The following TUT4 variants were observed in gnomAD, a reference collection of about 807,000 sequenced individuals.
TUT4 encodes terminal uridylyl transferase 4.
In TUT4, 36 loss-of-function variants were observed where a neutral mutation model predicts 192.2. That is an observed-to-expected ratio of 0.19 (90% CI 0.14 to 0.25). The LOEUF is 0.25. Among genes scored for constraint, TUT4 ranks in the 10% least tolerant of loss-of-function variants. The pLI, the probability that TUT4 is intolerant of heterozygous loss-of-function variation, is 1.00. For synonymous variants in TUT4, 618 were observed against 666.0 expected, an observed-to-expected ratio of 0.93 and a Z score of 1.11; for missense variants, 1,493 against 1,957.2, an observed-to-expected ratio of 0.76 and a Z score of 4.47.
intron 13 of TUT4, 118 bp from the exon 14 acceptor site, chr1:52,472,220 G>A: frequency 2.0e-6 from 2 of 1,019,588 alleles, no homozygotes; most frequent in Non-Finnish European, 2.7e-6. Flanking sequence ...GTGCTTTCAG[G>A]AGGTAATTAA....
intron 1 of TUT4, among the ~76,000 whole-genome samples, chr1:52,537,025 T>C (rs1685098471): frequency 1.3e-5 from 2 of 151,856 alleles, no homozygotes; most frequent in South Asian, 4.2e-4. Flanking sequence ...CCGGGCATGG[T>C]GGCGTGCGCC....
intron 19 of TUT4, among the ~76,000 whole-genome samples, chr1:52,459,966 T>C (rs375191529): frequency 1.3e-5 from 2 of 152,158 alleles, no homozygotes; most frequent in Non-Finnish European, 2.9e-5. Context: ...CCTGAAAGAA[T>C]CTTCAGAGAC....
intron 5 of TUT4, 63 bp downstream of exon 5, chr1:52,496,943 G>T: frequency 1.3e-6 from 2 of 1,490,686 alleles, no homozygotes; most frequent in Non-Finnish European, 1.8e-6. Flanking sequence ...ATGTACTCTA[G>T]TTCAAGAGGA....
intron 20 of TUT4, among the ~76,000 whole-genome samples, chr1:52,455,999 G>A (rs1384076645): frequency 6.6e-6 from 1 of 152,204 alleles, no homozygotes; most frequent in African/African-American, 2.4e-5. Flanking sequence ...ACAGATGTCT[G>A]TAACAGCTTT....
intron 28 of TUT4, among the ~76,000 whole-genome samples, chr1:52,428,451 A>G (rs563910499): frequency 3.8e-4 from 58 of 151,988 alleles, no homozygotes; most frequent in Non-Finnish European, 7.5e-4. Context: ...ACATAGTGAA[A>G]CCCCGTCTCT....
chr1:52,550,056 C>A (rs1046828591), intron 1 of TUT4, among the ~76,000 whole-genome samples: 1 of 152,010 alleles, frequency 6.6e-6, no homozygotes, highest in African/African-American at 2.4e-5. Context: ...AAAGTCGGAA[C>A]CTGCTTTTTC....
chr1:52,439,276 T>C (rs1654800357), intron 24 of TUT4, among the ~76,000 whole-genome samples: 1 of 152,048 alleles, frequency 6.6e-6, no homozygotes, highest in Admixed American at 6.6e-5. Flanking sequence ...AAAGCAATTA[T>C]CTGGTTTATG....
intron 20 of TUT4, among the ~76,000 whole-genome samples, chr1:52,451,751 G>C (rs936719237): frequency 6.6e-6 from 1 of 151,606 alleles, no homozygotes; most frequent in Non-Finnish European, 1.5e-5. Context: ...GCTGAGGAAG[G>C]AGAATTGCTT....
intron 6 of TUT4, among the ~76,000 whole-genome samples, chr1:52,494,075 T>C (rs1185494894): frequency 6.6e-6 from 1 of 152,048 alleles, no homozygotes; most frequent in East Asian, 1.9e-4. Context: ...AGCACGGGAA[T>C]TATAAGCATG....
At chr1:52,528,846 C>T (rs916463965) in intron 1 of TUT4, among the ~76,000 whole-genome samples, 1 of 152,096 alleles carries the variant, frequency 6.6e-6, no homozygotes, top group East Asian at 1.9e-4. Flanking sequence ...TCCCAAGCAA[C>T]TAAGAACACA....
chr1:52,486,537 T>C (rs1207183854), intron 9 of TUT4, among the ~76,000 whole-genome samples: 1 of 152,058 alleles, frequency 6.6e-6, no homozygotes, highest in Admixed American at 6.6e-5. Flanking sequence ...ATGTACAATA[T>C]GGCTTAAAAC....
intron 9 of TUT4, among the ~76,000 whole-genome samples, 193 bp downstream of exon 9, chr1:52,488,716 G>A (rs1670420204): frequency 6.6e-6 from 1 of 152,098 alleles, no homozygotes; most frequent in Non-Finnish European, 1.5e-5. Flanking sequence ...CCATAAGTGT[G>A]TCTACAAAAA....
rs376055793 is a variant in TUT4, at chr1:52,534,732, G to A, written c.-93-8359C>T. 1.3e-4 allele frequency among the ~76,000 whole-genome samples: 19 copies of A among 151,698 alleles called. No homozygotes were observed. In the East Asian group the frequency reaches 1.6e-3, roughly 12 times the overall value. On this transcript the variant is annotated intron_variant, in intron 1 of 29. Coordinates refer to ENST00000257177, the MANE Select transcript of TUT4 (RefSeq NM_001009881.3). ...ACAAAAATCAGCCAAATGTGGTGGC[G>A]CATGCCTGTGGTCCCAGCTACTTGG... is the stretch of plus-strand genomic sequence containing the variant.
chr1:52,550,705 G>A (rs1283735437), intron 1 of TUT4, among the ~76,000 whole-genome samples: 1 of 151,978 alleles, frequency 6.6e-6, no homozygotes. Context: ...ATGCTGCTCA[G>A]ACTGATATCA....
intron 2 of TUT4, 56 bp from the exon 3 acceptor site, chr1:52,516,110 T>C: frequency 1.4e-6 from 2 of 1,380,428 alleles, no homozygotes; most frequent in Non-Finnish European, 2.0e-6. Context: ...TTTTAAATTT[T>C]TTAATGGAAA....
chr1:52,536,373 AAC>A (rs1188533029), intron 1 of TUT4, among the ~76,000 whole-genome samples: 4 of 152,074 alleles, frequency 2.6e-5, no homozygotes, highest in Non-Finnish European at 4.4e-5. Flanking sequence ...CTAAGAAAGT[AAC>A]ACACACACAC....
At chr1:52,545,611 C>A (rs1277753237) in intron 1 of TUT4, among the ~76,000 whole-genome samples, 3 of 151,916 alleles carry the variant, frequency 2.0e-5, no homozygotes, top group Admixed American at 1.3e-4. Context: ...TAGGGAAATG[C>A]AAATCAAAAC....
rs116319351 is a variant in TUT4 at position 52,501,136 on chromosome 1, C to T, written c.1000-3953G>A. On this transcript the variant is annotated intron_variant, in intron 4 of 29. Transcript: ENST00000257177. Reference sequence around the variant, plus strand: ...CTGGACGAAATTTAGAACTTTTGTTCATCAAAAGACACTACTGACAGAGTA... The same window carrying T: ...CTGGACGAAATTTAGAACTTTTGTTTATCAAAAGACACTACTGACAGAGTA... 3.9e-3 allele frequency among the ~76,000 whole-genome samples: 591 copies of T among 152,146 alleles called. 3 individuals carry two copies. The highest frequency in any genetic ancestry group is 0.014 in the African/African-American group (563 of 41,500).
intron 9 of TUT4, among the ~76,000 whole-genome samples, chr1:52,482,946 T>TC (rs1668868353): frequency 6.6e-6 from 1 of 152,222 alleles, no homozygotes; most frequent in Non-Finnish European, 1.5e-5. Context: ...AAATGAGTGA[T>TC]ATATTTTAAT....
Sources: allele counts gnomAD v4.1 joint callset (sites outside exome capture counted in the v4.1 genomes callset), GRCh38; gene constraint gnomAD v4.1.1; transcripts MANE v1.5; gene names NCBI Gene and HGNC (gene_info 2026-07-23, HGNC 2026-07-21).